PDZRN3: variants seen among roughly 807,000 people sequenced by gnomAD.
PDZRN3 encodes PDZ domain containing ring finger 3.
PDZRN3 carries 38 observed loss-of-function variants against 85.7 expected under a neutral mutation model. The observed-to-expected ratio is 0.44, with a 90% CI of 0.34 to 0.58. PDZRN3 has a LOEUF of 0.58. Among genes scored for constraint, PDZRN3 ranks in the 20% least tolerant of loss-of-function variants. The probability of loss-of-function intolerance (pLI) is 0.01; values close to 1 mark genes in which losing one functional copy is unlikely to be tolerated. For synonymous variants in PDZRN3, 759 were observed against 638.0 expected (o/e 1.19, Z -2.86); for missense variants, 1,629 against 1,506.4 (o/e 1.08, Z -1.35).
chr3:73,590,985 G>A (rs1422339119), intron 3 of PDZRN3, among the ~76,000 whole-genome samples: 5 of 152,116 alleles, frequency 3.3e-5, no homozygotes, highest in Non-Finnish European at 7.4e-5. Flanking sequence ...TAACACAGAA[G>A]CCATTATATG....
At chr3:73,445,512 G>A (rs1702729426) in intron 3 of PDZRN3, among the ~76,000 whole-genome samples, 1 of 152,108 alleles carries the variant, frequency 6.6e-6, no homozygotes, top group African/African-American at 2.4e-5. Context: ...TACCTATAAG[G>A]TTCATGTGCT....
intron 3 of PDZRN3, among the ~76,000 whole-genome samples, chr3:73,598,617 G>A (rs1271652198): frequency 6.6e-6 from 1 of 152,212 alleles, no homozygotes; most frequent in Non-Finnish European, 1.5e-5. Context: ...CCAGGGGACA[G>A]CATGGGCCCT....
At chr3:73,604,834 T>G (rs1702570924) in intron 2 of PDZRN3, among the ~76,000 whole-genome samples, 1 of 151,986 alleles carries the variant, frequency 6.6e-6, no homozygotes, top group Non-Finnish European at 1.5e-5. Flanking sequence ...TACTAGAAAG[T>G]TCAAGCAAAA....
rs1248782946 is a variant in PDZRN3, at chr3:73,383,485, C to T, written c.3081G>A (p.Lys1027=). 1.2e-6 allele frequency: 2 copies of T among 1,614,114 alleles called. No homozygotes were observed. The highest frequency in any genetic ancestry group is 3.3e-5 in the Admixed American group (2 of 60,016). Residue 1027 remains lysine (K), a synonymous_variant, in exon 10 of 10, where the codon AAG becomes AAA. Coordinates refer to ENST00000263666, the MANE Select transcript of PDZRN3 (RefSeq NM_015009.3). ...ILELSHKKMM[K]KRNKKIFDNW... is the part of the protein sequence containing the mutation. ...TATCGAAGATTTTCTTATTCCTCTT[C>T]TTCATCATCTTTTTGTGGCTCAGTT...
At position 73,430,441 on chromosome 3, in the gene PDZRN3, C is replaced by CA. The variant is rs1702408472; in HGVS notation, c.919-26047_919-26046insT. ...TGCCTCATCAAATTAGAAAAGGTCA[C>CA]CATTTTACAAAAAGTCTCTGGTCGA... is the stretch of plus-strand genomic sequence containing the variant. On this transcript the variant is annotated intron_variant, in intron 3 of 9. Coordinates refer to ENST00000263666, the MANE Select transcript of PDZRN3 (RefSeq NM_015009.3). Among the ~76,000 whole-genome samples, 4 of 152,138 alleles carry CA rather than the reference C, an allele frequency of 2.6e-5. No individual in the cohort carries two copies. In the South Asian group the frequency reaches 8.3e-4, roughly 32 times the overall value.
At chr3:73,590,289 A>G (rs78705754) in intron 3 of PDZRN3, among the ~76,000 whole-genome samples, 1 of 146,186 alleles carries the variant, frequency 6.8e-6, no homozygotes, top group Non-Finnish European at 1.5e-5. Context: ...AAAAAAAAGA[A>G]AGAGAATGAA....
intron 3 of PDZRN3, among the ~76,000 whole-genome samples, chr3:73,498,369 A>T (rs1703909002): frequency 6.6e-6 from 1 of 152,196 alleles, no homozygotes; most frequent in Non-Finnish European, 1.5e-5. Flanking sequence ...GTACCAAACT[A>T]CCGCTGGCTC....
chr3:73,433,579 A>G, intron 3 of PDZRN3: 1 of 1,125,576 alleles, frequency 8.9e-7, no homozygotes. Flanking sequence ...CTTTCCTAGA[A>G]GTTACACTTG....
chr3:73,578,656 T>G (rs553968514), intron 3 of PDZRN3, among the ~76,000 whole-genome samples: 13 of 152,294 alleles, frequency 8.5e-5, no homozygotes, highest in South Asian at 4.1e-4. Context: ...GGTAAAGTGT[T>G]AAAAATCTGT....
At chr3:73,575,768 G>T (rs193200030) in intron 3 of PDZRN3, among the ~76,000 whole-genome samples, 1 of 152,282 alleles carries the variant, frequency 6.6e-6, no homozygotes, top group East Asian at 1.9e-4. Context: ...GTATGCCTCT[G>T]TTTTCTCATT....
intron 3 of PDZRN3, among the ~76,000 whole-genome samples, chr3:73,476,015 C>A (rs774191321): frequency 2.6e-5 from 4 of 152,188 alleles, no homozygotes; most frequent in African/African-American, 4.8e-5. Flanking sequence ...CAGCTTCCCA[C>A]CTTCATGGTT....
chr3:73,401,019 G>C lies in PDZRN3; in HGVS notation c.1167-10C>G. 2 of 1,580,196 alleles carry C rather than the reference G, an allele frequency of 1.3e-6. No individual in the cohort carries two copies. Among genetic ancestry groups the C allele is most frequent in the Non-Finnish European group, 1.7e-6 (2 of 1,149,046 alleles). On this transcript the variant is annotated splice_polypyrimidine_tract_variant and intron_variant, in intron 4 of 9. Coordinates refer to ENST00000263666, the MANE Select transcript of PDZRN3 (RefSeq NM_015009.3). ...ATGGGCTGAGGGATGCCTGAAAAGA[G>C]ATGCAACATCTTTACAGCCCTTCTT...
chr3:73,573,227 C>A (rs1161321374), intron 3 of PDZRN3, among the ~76,000 whole-genome samples: 2 of 152,170 alleles, frequency 1.3e-5, no homozygotes, highest in Non-Finnish European at 2.9e-5. Flanking sequence ...ATCTCCAGGG[C>A]CTTCAGTTGC....
At chr3:73,406,395 G>C (rs1701855005) in intron 3 of PDZRN3, among the ~76,000 whole-genome samples, 1 of 152,166 alleles carries the variant, frequency 6.6e-6, no homozygotes, top group African/African-American at 2.4e-5. Flanking sequence ...GGGTGCTGTG[G>C]AATTCATGCT....
chr3:73,393,942 G>C (rs1701584126), intron 5 of PDZRN3, among the ~76,000 whole-genome samples: 1 of 152,130 alleles, frequency 6.6e-6, no homozygotes, highest in African/African-American at 2.4e-5. Flanking sequence ...CAGAGATTTG[G>C]AGGACTGTTA....
At chr3:73,466,456 T>C (rs866093981) in intron 3 of PDZRN3, among the ~76,000 whole-genome samples, 4 of 152,124 alleles carry the variant, frequency 2.6e-5, no homozygotes, top group South Asian at 2.1e-4. Flanking sequence ...GGTGATGAAA[T>C]GATGGTAAAA....
intron 4 of PDZRN3, 190 bp from the exon 5 acceptor site, chr3:73,401,199 A>T: frequency 1.9e-6 from 1 of 539,398 alleles, no homozygotes; most frequent in South Asian, 2.2e-5. Flanking sequence ...ATTTGCCTTT[A>T]GTACATTTCC....
chr3:73,407,598 A>ATAAT (rs1701879997), intron 3 of PDZRN3, among the ~76,000 whole-genome samples: 1 of 152,178 alleles, frequency 6.6e-6, no homozygotes, highest in African/African-American at 2.4e-5. Context: ...TGTGGGTAAA[A>ATAAT]TAATTAGTGA....
chr3:73,425,942 A>G (rs780473479), intron 3 of PDZRN3, among the ~76,000 whole-genome samples: 1 of 152,174 alleles, frequency 6.6e-6, no homozygotes, highest in African/African-American at 2.4e-5. Context: ...AATTCTGCCA[A>G]TTCAGATTCA....
Sources: allele counts gnomAD v4.1 joint callset (sites outside exome capture counted in the v4.1 genomes callset), GRCh38; gene constraint gnomAD v4.1.1; transcripts MANE v1.5; gene names NCBI Gene and HGNC (gene_info 2026-07-23, HGNC 2026-07-21).